Variants in FRMD3 observed in about 807,000 individuals in gnomAD.
The protein encoded by FRMD3 is FERM domain-containing protein 3.
FRMD3 carries 33 observed loss-of-function variants against 70.2 expected under a neutral mutation model. The ratio of observed to expected loss-of-function variants is 0.47; its 90% CI spans 0.36 to 0.63. FRMD3 has a LOEUF of 0.63. Ranked by LOEUF, FRMD3 falls within the 20% of genes least tolerant of loss-of-function variation. The pLI is 0.00. For missense variants in FRMD3, 632 were observed against 711.4 expected (o/e 0.89, Z 1.27); for synonymous variants, 279 against 255.9 (o/e 1.09, Z -0.86).
intron 13 of FRMD3, among the ~76,000 whole-genome samples, chr9:83,252,433 A>T (rs1054095220): frequency 3.9e-5 from 6 of 152,232 alleles, no homozygotes; most frequent in Non-Finnish European, 7.3e-5. Flanking sequence ...AACTACACAG[A>T]CTGGTGATAC....
chr9:83,322,756 C>T (rs1835849986), intron 6 of FRMD3, among the ~76,000 whole-genome samples: 1 of 152,200 alleles, frequency 6.6e-6, no homozygotes, highest in African/African-American at 2.4e-5. Context: ...GCCCAGGAAC[C>T]TCTCCTGACT....
intron 10 of FRMD3, among the ~76,000 whole-genome samples, chr9:83,305,621 AG>A (rs1489241377): frequency 2.0e-5 from 3 of 152,372 alleles, no homozygotes; most frequent in African/African-American, 7.2e-5. Context: ...AAGACCAGAC[AG>A]CACTAAAGTG....
chr9:83,433,912 C>T (rs1043529001), intron 1 of FRMD3, among the ~76,000 whole-genome samples: 16 of 152,216 alleles, frequency 1.1e-4, no homozygotes, highest in African/African-American at 3.9e-4. Context: ...CTGTGCAGCC[C>T]GGTTCCTACT....
At chr9:83,467,560 C>T in intron 1 of FRMD3, 2 of 994,030 alleles carry the variant, frequency 2.0e-6, no homozygotes, top group Non-Finnish European at 3.1e-6. Flanking sequence ...TCATGACATG[C>T]ATTATGTTAA....
rs562424962 is a variant in FRMD3 at position 83,533,829 on chromosome 9, T to TCAAATA, written c.147+4250_147+4255dup. Reference sequence around the variant, plus strand: ...CAAAGCACTATGCTAAGATTTTTAGTCAAATACAAATACAAATTTTCAGCC... The same window carrying TCAAATA: ...CAAAGCACTATGCTAAGATTTTTAGTCAAATACAAATACAAATACAAATTTTCAGCC... On this transcript the variant is annotated intron_variant, in intron 1 of 13. Coordinates refer to ENST00000304195, the MANE Select transcript of FRMD3 (RefSeq NM_174938.6). 1.3e-3 allele frequency among the ~76,000 whole-genome samples: 192 copies of TCAAATA among 152,302 alleles called. 1 individual carries two copies. Among genetic ancestry groups the TCAAATA allele is most frequent in the African/African-American group, 4.4e-3 (183 of 41,560 alleles).
At chr9:83,436,847 T>C (rs952197801) in intron 1 of FRMD3, among the ~76,000 whole-genome samples, 6 of 149,284 alleles carry the variant, frequency 4.0e-5, no homozygotes, top group Non-Finnish European at 7.4e-5. Flanking sequence ...ATGATTTACC[T>C]AGGAGCCATA....
upstream of FRMD3, among the ~76,000 whole-genome samples, chr9:83,541,128 G>A (rs868473844): frequency 3.9e-4 from 60 of 152,216 alleles, no homozygotes; most frequent in African/African-American, 1.3e-3. Flanking sequence ...AAGGGAAGCC[G>A]ATCTCCTCCC....
chr9:83,555,886 T>C, the FRMD3 span, among the ~76,000 whole-genome samples: 1 of 152,252 alleles, frequency 6.6e-6, no homozygotes, highest in Non-Finnish European at 1.5e-5. Context: ...GTTGCAAAGA[T>C]CTGTGGGAGA....
chr9:83,446,308 A>T (rs1308599831), intron 1 of FRMD3, among the ~76,000 whole-genome samples: 1 of 152,254 alleles, frequency 6.6e-6, no homozygotes, highest in East Asian at 1.9e-4. Flanking sequence ...CCTTTGGGTA[A>T]CCCTAACAGG....
At chr9:83,508,461 C>A (rs73468267) in intron 1 of FRMD3, among the ~76,000 whole-genome samples, 27 of 152,302 alleles carry the variant, frequency 1.8e-4, no homozygotes, top group African/African-American at 6.3e-4. Flanking sequence ...ATAGATTATT[C>A]TTTTGACTAT....
At chr9:83,324,621 G>A (rs1271599309) in intron 6 of FRMD3, among the ~76,000 whole-genome samples, 1 of 152,156 alleles carries the variant, frequency 6.6e-6, no homozygotes, top group African/African-American at 2.4e-5. Flanking sequence ...TATTGATCAA[G>A]AGGATAATAG....
chr9:83,412,991 C>CA (rs898042884), intron 1 of FRMD3, among the ~76,000 whole-genome samples: 7 of 145,294 alleles, frequency 4.8e-5, no homozygotes, highest in Admixed American at 2.1e-4. Context: ...GAGACTCTGT[C>CA]AAAAAAAATA....
intron 3 of FRMD3, among the ~76,000 whole-genome samples, chr9:83,371,922 G>T (rs929817107): frequency 2.0e-5 from 3 of 152,168 alleles, no homozygotes; most frequent in Non-Finnish European, 4.4e-5. Flanking sequence ...GAAGAGATAC[G>T]CTGCCTGCTA....
At chr9:83,388,078 T>G (rs1825562463) in intron 2 of FRMD3, among the ~76,000 whole-genome samples, 1 of 152,186 alleles carries the variant, frequency 6.6e-6, no homozygotes, top group South Asian at 2.1e-4. Flanking sequence ...CAAAGGTTAC[T>G]GGGAGTACTA....
intron 1 of FRMD3, among the ~76,000 whole-genome samples, chr9:83,494,292 T>C (rs1372709447): frequency 1.3e-5 from 2 of 152,230 alleles, no homozygotes; most frequent in Non-Finnish European, 2.9e-5. Flanking sequence ...CTTGCATTAA[T>C]GAAATGGAGC....
intron 1 of FRMD3, among the ~76,000 whole-genome samples, chr9:83,432,966 A>G (rs943521117): frequency 3.3e-5 from 5 of 152,278 alleles, no homozygotes; most frequent in African/African-American, 1.2e-4. Flanking sequence ...CTTAGCTTCC[A>G]CTTATAAGTG....
At chr9:83,336,244 C>A in intron 5 of FRMD3, among the ~76,000 whole-genome samples, 1 of 152,008 alleles carries the variant, frequency 6.6e-6, no homozygotes, top group East Asian at 1.9e-4. Context: ...ATGTAAAGCT[C>A]GGTTTAGCCA....
intron 1 of FRMD3, among the ~76,000 whole-genome samples, chr9:83,440,853 C>A (rs956748655): frequency 1.3e-5 from 2 of 152,188 alleles, no homozygotes; most frequent in East Asian, 3.8e-4. Context: ...CAGAGTCTGA[C>A]GCCAGGAGGT....
At chr9:83,384,741 G>A (rs10780600) in intron 2 of FRMD3, among the ~76,000 whole-genome samples, 56,961 of 151,984 alleles carry the variant, frequency 0.37, 11,231 homozygotes, top group Admixed American at 0.47. Flanking sequence ...CTTGAGGAGT[G>A]TACCCCAAAA....
Sources: gnomAD v4.1 joint callset for allele counts (sites outside exome capture counted in the v4.1 genomes callset) on GRCh38, gnomAD v4.1.1 for gene constraint, MANE v1.5 for transcripts, NCBI Gene and HGNC (gene_info 2026-07-23, HGNC 2026-07-21) for gene names.